The following TDRP variants were observed in gnomAD, a reference collection of about 807,000 sequenced individuals.
The protein encoded by TDRP is testis development related protein, also known as testis development-related protein.
A neutral mutation model predicts 10.5 loss-of-function variants in TDRP; 12 were observed. The observed-to-expected ratio is 1.15, with a 90% CI of 0.73 to 1.86. The LOEUF (loss-of-function observed/expected upper bound fraction) is 1.86. TDRP is among the 40% of genes most tolerant of loss of function. The pLI, the probability that TDRP is intolerant of heterozygous loss-of-function variation, is 0.00. For synonymous variants in TDRP, 139 were observed against 95.4 expected (o/e 1.46, Z -2.67); for missense variants, 353 against 229.2 (o/e 1.54, Z -3.49).
At chr8:510,477 C>G (rs565641959) in intron 1 of TDRP, among the ~76,000 whole-genome samples, 2 of 152,210 alleles carry the variant, frequency 1.3e-5, no homozygotes, top group South Asian at 2.1e-4. Context: ...ATCTTGAAAG[C>G]TACAAGAGAA....
chr8:519,784 G>C (rs1010491646), intron 1 of TDRP, among the ~76,000 whole-genome samples: 4 of 152,192 alleles, frequency 2.6e-5, no homozygotes, highest in African/African-American at 9.6e-5. Context: ...AGAGGCAGTG[G>C]GGCGAGGCAT....
intron 1 of TDRP, among the ~76,000 whole-genome samples, chr8:536,839 C>T (rs1433799893): frequency 1.3e-5 from 2 of 152,152 alleles, no homozygotes; most frequent in African/African-American, 4.8e-5. Context: ...ATAAGCAGCG[C>T]CCAGGATCCT....
At chr8:511,000 G>C (rs1409650712) in intron 1 of TDRP, among the ~76,000 whole-genome samples, 1 of 152,150 alleles carries the variant, frequency 6.6e-6, no homozygotes, top group African/African-American at 2.4e-5. Context: ...ATCGGCTACA[G>C]ATGGTAAGAT....
At chr8:543,439 C>A (rs558746910) in intron 1 of TDRP, among the ~76,000 whole-genome samples, 1 of 152,022 alleles carries the variant, frequency 6.6e-6, no homozygotes, top group Non-Finnish European at 1.5e-5. Flanking sequence ...TATGGCTCAT[C>A]TTTGACCAAT....
intron 1 of TDRP, among the ~76,000 whole-genome samples, chr8:531,774 C>G (rs1802205459): frequency 6.6e-6 from 1 of 152,178 alleles, no homozygotes; most frequent in African/African-American, 2.4e-5. Context: ...AGTCCACAAG[C>G]TTAGTATTAA....
intron 1 of TDRP, among the ~76,000 whole-genome samples, chr8:506,113 T>C (rs1284341407): frequency 6.6e-6 from 1 of 152,190 alleles, no homozygotes; most frequent in African/African-American, 2.4e-5. Flanking sequence ...GAACACTATT[T>C]TTTCAAGAAA....
At position 492,047 on chromosome 8, in the gene TDRP, G is replaced by A. The variant is rs962825523; in HGVS notation, c.*352C>T. 2 of 1,129,712 alleles carry A rather than the reference G, an allele frequency of 1.8e-6. No individual in the cohort carries two copies. The highest frequency in any genetic ancestry group is 1.6e-5 in the African/African-American group (1 of 62,084). The allele number at this position is 1,129,712 out of a possible 1,614,324, so 70.0% of individuals were successfully genotyped here. ...TACAAGAAAAAGGTACGGAAGTTCT[G>A]AAACAGAACTACAACACAGAGCAGC... is the stretch of plus-strand genomic sequence containing the variant. On this transcript the variant is annotated 3_prime_UTR_variant, in exon 3 of 3. Coordinates refer to ENST00000324079, the MANE Select transcript of TDRP (RefSeq NM_001384899.1).
In TDRP at chr8:533,864, G is replaced by A. The variant is rs183295124; in HGVS notation, c.108+10786C>T. 4.3e-3 allele frequency among the ~76,000 whole-genome samples: 652 copies of A among 152,130 alleles called. 4 individuals carry two copies. Among genetic ancestry groups the A allele is most frequent in the Non-Finnish European group, 6.3e-3 (430 of 68,002 alleles). ...AGCGCTTCTCACTTGCTAATTTACC[G>A]AGAACTGTTTATCTCCCATAGTAAG... On this transcript the variant is annotated intron_variant, in intron 1 of 2. Transcript: ENST00000324079.
At chr8:544,408 G>C (rs910260513) in intron 1 of TDRP, among the ~76,000 whole-genome samples, 3 of 152,088 alleles carry the variant, frequency 2.0e-5, no homozygotes, top group Admixed American at 6.5e-5. Flanking sequence ...CCAGTTAAGC[G>C]GGGAGTGGGT....
At position 503,537 on chromosome 8, in the gene TDRP, T is replaced by C. The variant is rs148586551; in HGVS notation, c.109-8940A>G. Among the ~76,000 whole-genome samples the C allele has an allele frequency of 4.9e-3, 684 of 139,372 alleles. 4 individuals are homozygous for C. Among genetic ancestry groups the C allele is most frequent in the Non-Finnish European group, 7.9e-3 (522 of 65,978 alleles). 91.4% of individuals were successfully genotyped at this position (139,372 alleles called of 152,430 possible). A position where few individuals can be genotyped will look rare whatever the true frequency, so the allele number is the denominator to read the frequency against. On this transcript the variant is annotated intron_variant, in intron 1 of 2. Coordinates refer to ENST00000324079, the MANE Select transcript of TDRP (RefSeq NM_001384899.1). ...CAACACGGAATCCAGAGCAGCACAC[T>C]GGAACCAATGCCCACTCACCATGCA...
chr8:525,203 G>C (rs1404778688), intron 1 of TDRP, among the ~76,000 whole-genome samples: 1 of 152,082 alleles, frequency 6.6e-6, no homozygotes, highest in Non-Finnish European at 1.5e-5. Context: ...TTTTACCCTA[G>C]ATTATCTGGC....
intron 1 of TDRP, among the ~76,000 whole-genome samples, chr8:527,448 A>G (rs567347839): frequency 6.6e-6 from 1 of 152,294 alleles, no homozygotes; most frequent in African/African-American, 2.4e-5. Context: ...AAGACCCAGA[A>G]TAGCCAAAGC....
At chr8:533,172 A>G (rs2116860732) in intron 1 of TDRP, among the ~76,000 whole-genome samples, 1 of 152,258 alleles carries the variant, frequency 6.6e-6, no homozygotes. Flanking sequence ...TGAAGTGGAG[A>G]ACCAGGTTCT....
At chr8:528,935 G>A (rs111539499) in intron 1 of TDRP, among the ~76,000 whole-genome samples, 10 of 152,258 alleles carry the variant, frequency 6.6e-5, no homozygotes, top group Middle Eastern at 3.4e-3. Context: ...GCAAGCTGAG[G>A]AGCAAGGAAG....
intron 1 of TDRP, among the ~76,000 whole-genome samples, chr8:508,962 C>T (rs1801538327): frequency 2.0e-5 from 3 of 152,210 alleles, no homozygotes; most frequent in Admixed American, 6.5e-5. Context: ...AACAAAGGGG[C>T]TACAGGCCCC....
rs139211212 is a variant in TDRP, at chr8:492,580, G to T, written c.377C>A (p.Thr126Asn). 9 of 1,613,754 alleles carry T rather than the reference G, an allele frequency of 5.6e-6. No homozygotes were observed. The highest frequency in any genetic ancestry group is 7.6e-6 in the Non-Finnish European group (9 of 1,179,718). ...TGACCAGGATGGGTGGCCACCCACG[G>T]TGTCCTCAGGGTCAGCCGATATGTC... ...LEDISADPEDTVGGHPSWSGW... is the reference protein window; with the variant it reads ...LEDISADPEDNVGGHPSWSGW... The change falls in exon 3 of 3, where the codon ACC becomes AAC. Residue 126 changes from threonine to asparagine, a missense_variant. Physicochemically the swap from Thr to Asn is moderately conservative, Grantham distance 65 (BLOSUM62 0). Transcript: ENST00000324079.
chr8:509,285 G>T (rs1374521473), intron 1 of TDRP, among the ~76,000 whole-genome samples: 1 of 152,324 alleles, frequency 6.6e-6, no homozygotes, highest in East Asian at 1.9e-4. Context: ...GGGACTCTCT[G>T]TGGGGGCTCC....
intron 1 of TDRP, among the ~76,000 whole-genome samples, chr8:512,685 G>A (rs1198360255): frequency 6.6e-6 from 1 of 152,056 alleles, no homozygotes; most frequent in Non-Finnish European, 1.5e-5. Context: ...TATATAACAA[G>A]TGAAGAGACC....
At chr8:495,583 T>A (rs1431274057) in intron 1 of TDRP, among the ~76,000 whole-genome samples, 1 of 152,232 alleles carries the variant, frequency 6.6e-6, no homozygotes, top group Non-Finnish European at 1.5e-5. Context: ...AGGCCCTTCA[T>A]ATTCACTGAT....
Sources: gnomAD v4.1 joint callset for allele counts (sites outside exome capture counted in the v4.1 genomes callset) on GRCh38, gnomAD v4.1.1 for gene constraint, MANE v1.5 for transcripts, NCBI Gene and HGNC (gene_info 2026-07-23, HGNC 2026-07-21) for gene names.